The following ASPH variants were observed in gnomAD, a reference collection of about 807,000 sequenced individuals.
ASPH encodes aspartyl/asparaginyl beta-hydroxylase.
In ASPH, 100 loss-of-function variants were observed where a neutral mutation model predicts 118.4. That is an observed-to-expected ratio of 0.84 (90% confidence interval 0.72 to 1.00). The LOEUF is 1.00. Ranked by LOEUF, ASPH falls within the 50% of genes least tolerant of loss-of-function variation. ASPH has a pLI of 0.00. For missense variants in ASPH, 920 were observed against 919.5 expected (o/e 1.00, Z -0.01); for synonymous variants, 315 against 325.6 (o/e 0.97, Z 0.35).
chr8:61,638,153 T>C (rs1051679948), intron 11 of ASPH, 150 bp from the exon 12 acceptor site: 8 of 1,133,976 alleles, frequency 7.1e-6, no homozygotes, highest in South Asian at 1.5e-5. Flanking sequence ...TTCTGCAGAG[T>C]ATTTATATTA....
chr8:61,669,126 G>C (rs1038047765), intron 3 of ASPH, among the ~76,000 whole-genome samples: 1 of 152,166 alleles, frequency 6.6e-6, no homozygotes, highest in Admixed American at 6.5e-5. Context: ...ACTAAAGAAC[G>C]AAGGTCTAAG....
intron 14 of ASPH, among the ~76,000 whole-genome samples, chr8:61,598,289 G>A (rs1842988391): frequency 6.6e-6 from 1 of 152,030 alleles, no homozygotes; most frequent in Non-Finnish European, 1.5e-5. Context: ...AAAAAGATAT[G>A]CAGGCAAATA....
At chr8:61,644,687 A>G in intron 6 of ASPH, 55 bp from the exon 7 acceptor site, 1 of 1,314,348 alleles carries the variant, frequency 7.6e-7, no homozygotes, top group Non-Finnish European at 1.1e-6. Flanking sequence ...TGGTATGTAT[A>G]TATCCCGTAT....
intron 24 of ASPH, among the ~76,000 whole-genome samples, chr8:61,511,251 G>A (rs1397327790): frequency 1.3e-5 from 2 of 152,186 alleles, no homozygotes; most frequent in African/African-American, 4.8e-5. Context: ...GAATTCTATA[G>A]GATTAAATGA....
intron 2 of ASPH, among the ~76,000 whole-genome samples, chr8:61,682,888 A>G (rs1190006868): frequency 3.3e-5 from 5 of 152,132 alleles, no homozygotes; most frequent in Admixed American, 6.6e-5. Flanking sequence ...TTCCAGTGAC[A>G]GGTCCACATC....
intron 16 of ASPH, among the ~76,000 whole-genome samples, chr8:61,568,279 G>T (rs764447834): frequency 2.2e-4 from 33 of 152,106 alleles, no homozygotes; most frequent in Non-Finnish European, 4.1e-4. Flanking sequence ...CTTGGACTAA[G>T]GTAGCAGTAA....
chr8:61,653,501 T>A (rs1812130800), intron 4 of ASPH, 67 bp downstream of exon 4: 1 of 1,465,168 alleles, frequency 6.8e-7, no homozygotes. Flanking sequence ...AACGTGATTC[T>A]GTAAATGCGG....
At chr8:61,650,564 A>C (rs115750417) in intron 5 of ASPH, among the ~76,000 whole-genome samples, 1,726 of 152,252 alleles carry the variant, frequency 0.011, 37 homozygotes, top group African/African-American at 0.04. Flanking sequence ...CCCATGAAAA[A>C]TTTTTAAATT....
At chr8:61,684,254 T>C in intron 1 of ASPH, 66 bp from the exon 2 acceptor site, 1 of 1,485,894 alleles carries the variant, frequency 6.7e-7, no homozygotes. Context: ...ATTCTCACAA[T>C]TATTTCTCCA....
At chr8:61,626,867 T>C (rs1853122966) in intron 13 of ASPH, among the ~76,000 whole-genome samples, 1 of 152,056 alleles carries the variant, frequency 6.6e-6, no homozygotes, top group Non-Finnish European at 1.5e-5. Flanking sequence ...TTCTTAACTT[T>C]AGTATCTGAT....
chr8:61,665,094 T>C, intron 3 of ASPH: 1 of 1,412,436 alleles, frequency 7.1e-7, no homozygotes, highest in Non-Finnish European at 9.2e-7. Context: ...ACGGTATATT[T>C]AAATTTCAGG....
chr8:61,593,293 C>T (rs77873888), intron 14 of ASPH, among the ~76,000 whole-genome samples: 2,751 of 152,152 alleles, frequency 0.018, 85 homozygotes, highest in African/African-American at 0.063. Flanking sequence ...TTCTCTAACA[C>T]GATCTACTCT....
At chr8:61,506,039 C>A (rs927468776) in intron 24 of ASPH, among the ~76,000 whole-genome samples, 4 of 152,198 alleles carry the variant, frequency 2.6e-5, no homozygotes, top group African/African-American at 9.7e-5. Context: ...CACAGCAGCA[C>A]TATTCACAAC....
At chr8:61,675,373 T>C in intron 3 of ASPH, 2 of 973,832 alleles carry the variant, frequency 2.1e-6, no homozygotes, top group Non-Finnish European at 2.4e-6. Context: ...GATGTATATT[T>C]GGAAATAAAA....
At position 61,510,044 on chromosome 8, in the gene ASPH, C is replaced by T. The variant is rs369079486; in HGVS notation, c.2127-6535G>A. ...GTTATGAGAGTGCTTGATCTCACTC[C>T]CTGGAACGTAAGGACAGAAGTCTCC... On this transcript the variant is annotated intron_variant, in intron 24 of 24. Coordinates refer to ENST00000379454, the MANE Select transcript of ASPH (RefSeq NM_004318.4). 5.3e-5 allele frequency among the ~76,000 whole-genome samples: 8 copies of T among 152,264 alleles called. No homozygotes were observed. The South Asian group carries it at 8.3e-4, about 16-fold the overall frequency.
At chr8:61,576,615 T>C in intron 16 of ASPH, 157 bp downstream of exon 16, 1 of 578,494 alleles carries the variant, frequency 1.7e-6, no homozygotes, top group Non-Finnish European at 2.9e-6. Context: ...TTCAGCAGCA[T>C]GCAATAGTGA....
At position 61,643,402 on chromosome 8, in the gene ASPH, T is replaced by A. The variant is rs373896228; in HGVS notation, c.741A>T (p.Arg247Ser). 6.2e-7 allele frequency: 1 copy of A among 1,605,618 alleles called. No homozygotes were observed. The highest frequency in any genetic ancestry group is 1.3e-5 in the African/African-American group (1 of 74,892). ...ATCTAATACCTGTATCATGGTGCAA[T>A]CTTTCATCTTCTACTACTGGTTCAC... ...DSSEPVVEDERLHHDTDDVTY... is the reference protein window; with the variant it reads ...DSSEPVVEDESLHHDTDDVTY... The change falls in exon 9 of 25, where the codon AGA (arginine) becomes AGT (serine). Residue 247 changes from arginine (R) to serine (S), a missense_variant. Arg to Ser is a moderately radical substitution (Grantham distance 110, BLOSUM62 -1). Transcript: ENST00000379454.
intron 17 of ASPH, among the ~76,000 whole-genome samples, chr8:61,563,671 GC>G (rs890854798): frequency 6.6e-6 from 1 of 152,134 alleles, no homozygotes; most frequent in Non-Finnish European, 1.5e-5. Flanking sequence ...TCATCCGACG[GC>G]CTATGCCCCA....
At chr8:61,544,183 T>C (rs1420797078) in intron 21 of ASPH, among the ~76,000 whole-genome samples, 1 of 152,324 alleles carries the variant, frequency 6.6e-6, no homozygotes, top group Middle Eastern at 3.4e-3. Context: ...TTGGGAGCAG[T>C]TAAAATTACC....
Sources: allele counts gnomAD v4.1 joint callset (sites outside exome capture counted in the v4.1 genomes callset), GRCh38; gene constraint gnomAD v4.1.1; transcripts MANE v1.5; gene names NCBI Gene and HGNC (gene_info 2026-07-23, HGNC 2026-07-21).